PSMD7: variants seen among roughly 807,000 people sequenced by gnomAD.
The protein encoded by PSMD7 is 26S proteasome non-ATPase regulatory subunit 7.
A neutral mutation model predicts 36.4 loss-of-function variants in PSMD7; 13 were observed. The observed-to-expected ratio is 0.36, with a 90% CI of 0.23 to 0.57. PSMD7 has a LOEUF of 0.57. Among genes scored for constraint, PSMD7 ranks in the 20% least tolerant of loss-of-function variants. The probability of loss-of-function intolerance (pLI) is 0.83; values close to 1 mark genes in which losing one functional copy is unlikely to be tolerated. For synonymous variants in PSMD7, 186 were observed against 151.0 expected, an observed-to-expected ratio of 1.23 and a Z score of -1.70; for missense variants, 298 against 393.6, an observed-to-expected ratio of 0.76 and a Z score of 2.06.
At chr16:74,305,207 T>G (rs1185681445) in intron 6 of PSMD7, 82 bp from the exon 7 acceptor site, 4 of 1,448,150 alleles carry the variant, frequency 2.8e-6, no homozygotes, top group African/African-American at 2.8e-5. Context: ...AAGCTAGGAA[T>G]TTTCTTAGAA....
chr16:74,301,449 T>C (rs1466311440), intron 3 of PSMD7, 106 bp from the exon 4 acceptor site: 21 of 824,574 alleles, frequency 2.5e-5, no homozygotes, highest in Non-Finnish European at 4.1e-5. Flanking sequence ...TGTCTGGAAT[T>C]TTCAAAGAGG....
intron 1 of PSMD7, among the ~76,000 whole-genome samples, chr16:74,298,333 A>G (rs998158411): frequency 6.6e-6 from 1 of 152,094 alleles, no homozygotes; most frequent in South Asian, 2.1e-4. Flanking sequence ...GTTTTACAAG[A>G]TTGTTAGTTG....
intron 6 of PSMD7, 76 bp downstream of exon 6, chr16:74,304,470 G>A: frequency 1.5e-6 from 2 of 1,330,278 alleles, no homozygotes; most frequent in Non-Finnish European, 2.1e-6. Flanking sequence ...TCTGTGTCGG[G>A]AATATGGAGA....
intron 1 of PSMD7, among the ~76,000 whole-genome samples, chr16:74,298,034 T>C (rs867016612): frequency 1.2e-4 from 18 of 151,910 alleles, no homozygotes; most frequent in Middle Eastern, 3.2e-3. Flanking sequence ...GGCTCACGCC[T>C]GTAATCCCAG....
intron 5 of PSMD7, 151 bp from the exon 6 acceptor site, chr16:74,304,152 A>G (rs564115176): frequency 3.1e-4 from 201 of 643,930 alleles, no homozygotes; most frequent in Admixed American, 7.1e-4. Flanking sequence ...AAGCTTTCAA[A>G]GTAAGCCTTA....
chr16:74,303,399 C>T lies in PSMD7; in HGVS notation c.439-904C>T, dbSNP rs762429335. 1.6e-4 allele frequency among the ~76,000 whole-genome samples: 24 copies of T among 152,230 alleles called. 1 individual carries two copies. Among genetic ancestry groups the T allele is most frequent in the Non-Finnish European group, 2.4e-4 (16 of 68,036 alleles). On this transcript the variant is annotated intron_variant, in intron 5 of 6. Coordinates refer to ENST00000219313, the MANE Select transcript of PSMD7 (RefSeq NM_002811.5). ...AGGTAGCCTGGCTGTGGAGCCTGTA[C>T]TCTTACCACTATGCTGTCCTTCCTC...
At chr16:74,304,595 C>A in intron 6 of PSMD7, 1 of 484,134 alleles carries the variant, frequency 2.1e-6, no homozygotes, top group Non-Finnish European at 3.7e-6. Context: ...ACTACATCAA[C>A]TGTAAAATGT....
chr16:74,302,181 G>A (rs1350280307), intron 4 of PSMD7, 31 bp from the exon 5 acceptor site: 12 of 1,587,760 alleles, frequency 7.6e-6, no homozygotes, highest in Non-Finnish European at 1.0e-5. Flanking sequence ...CTGGGCGTGA[G>A]ATGACTTGCT....
chr16:74,304,188 A>T, intron 5 of PSMD7, 115 bp from the exon 6 acceptor site: 1 of 827,364 alleles, frequency 1.2e-6, no homozygotes, highest in Non-Finnish European at 2.0e-6. Flanking sequence ...GAAAATTCTC[A>T]GTCATGCACT....
Position 74,303,366 on chromosome 16 carries a change from T to G in PSMD7, c.439-937T>G, listed in dbSNP as rs1349962604. Among the ~76,000 whole-genome samples the G allele has an allele frequency of 2.6e-5, 4 of 152,330 alleles. No individual in the cohort carries two copies. The South Asian group carries it at 8.3e-4, about 32-fold the overall frequency. On this transcript the variant is annotated intron_variant, in intron 5 of 6. Coordinates refer to ENST00000219313, the MANE Select transcript of PSMD7 (RefSeq NM_002811.5). The stretch of plus-strand genomic sequence containing the variant: ...TATTACATACATGGCAGAGCCAAAT[T>G]TGAACCCAGGTAGCCTGGCTGTGGA...
intron 4 of PSMD7, among the ~76,000 whole-genome samples, chr16:74,301,972 G>C (rs889717289): frequency 2.0e-5 from 3 of 152,148 alleles, no homozygotes; most frequent in African/African-American, 7.2e-5. Context: ...AATTTTGGCT[G>C]TGTTGACTCT....
At chr16:74,297,632 G>T (rs945102476) in intron 1 of PSMD7, among the ~76,000 whole-genome samples, 8 of 151,866 alleles carry the variant, frequency 5.3e-5, no homozygotes, top group African/African-American at 1.9e-4. Flanking sequence ...TGCTGGAGTG[G>T]GGTGCAGGGT....
At chr16:74,304,273 AAAT>A in intron 5 of PSMD7, 27 bp from the exon 6 acceptor site, 1 of 1,592,610 alleles carries the variant, frequency 6.3e-7, no homozygotes, top group Non-Finnish European at 8.6e-7. Flanking sequence ...TGTGGAAAAT[AAAT>A]AATTATAGTT....
At chr16:74,305,249 G>T in intron 6 of PSMD7, 40 bp from the exon 7 acceptor site, 1 of 1,562,156 alleles carries the variant, frequency 6.4e-7, no homozygotes. Context: ...ATGGTACCCT[G>T]ATGCCTTTTC....
chr16:74,298,156 CAAAAA>C (rs75614540), intron 1 of PSMD7, among the ~76,000 whole-genome samples: 2 of 72,754 alleles, frequency 2.7e-5, no homozygotes, highest in Non-Finnish European at 2.7e-5. Flanking sequence ...ACCCTGTCTC[CAAAAA>C]AAAAAAAAAA....
Position 74,299,785 on chromosome 16 carries a change from G to A in PSMD7, c.75-330G>A. 1.0e-5 allele frequency: 4 copies of A among 397,954 alleles called. No homozygotes were observed. In the South Asian group the frequency reaches 1.0e-4, roughly 10 times the overall value. The allele number at this position is 397,954 out of a possible 1,614,324, so 24.7% of individuals were successfully genotyped here. On this transcript the variant is annotated intron_variant, in intron 1 of 6. Coordinates refer to ENST00000219313, the MANE Select transcript of PSMD7 (RefSeq NM_002811.5). ...CAAAGAAAAAGTAAAGTTAAATGTG[G>A]TAGCAAAGCTTAAATGTGTTTTCAG...
chr16:74,305,069 G>A, intron 6 of PSMD7: 2 of 615,212 alleles, frequency 3.3e-6, no homozygotes. Flanking sequence ...ATTGTTTTTT[G>A]AAAAATGTCC....
At chr16:74,299,308 G>A (rs963943224) in intron 1 of PSMD7, among the ~76,000 whole-genome samples, 2 of 152,204 alleles carry the variant, frequency 1.3e-5, no homozygotes, top group Non-Finnish European at 2.9e-5. Flanking sequence ...CTCCTTAGGA[G>A]AAAATGACTG....
Position 74,296,845 on chromosome 16 carries a change from C to A in PSMD7, c.-70C>A, listed in dbSNP as rs759467700. The stretch of plus-strand genomic sequence containing the variant: ...AGAGGAACTGGGCCTGAAAGGGTAC[C>A]GGTGACCGCTACTGCTGCCGGTGTT... On this transcript the variant is annotated 5_prime_UTR_variant, in exon 1 of 7. Coordinates refer to ENST00000219313, the MANE Select transcript of PSMD7 (RefSeq NM_002811.5). 5.2e-6 allele frequency: 8 copies of A among 1,540,306 alleles called. No individual in the cohort carries two copies. The highest frequency in any genetic ancestry group is 7.1e-6 in the Non-Finnish European group (8 of 1,122,832).
Sources: gnomAD v4.1 joint callset for allele counts (sites outside exome capture counted in the v4.1 genomes callset) on GRCh38, gnomAD v4.1.1 for gene constraint, MANE v1.5 for transcripts, NCBI Gene and HGNC (gene_info 2026-07-23, HGNC 2026-07-21) for gene names.